Variants in SCML4 observed in about 807,000 individuals in gnomAD.
SCML4 encodes sex comb on midleg-like protein 4.
A neutral mutation model predicts 41.1 loss-of-function variants in SCML4; 34 were observed. That is an observed-to-expected ratio of 0.83 (90% confidence interval 0.63 to 1.10). The LOEUF is 1.10. SCML4 is among the 50% of genes least tolerant of loss of function. The pLI is 0.00. For synonymous variants in SCML4, 214 were observed against 220.9 expected (o/e 0.97, Z 0.28); for missense variants, 522 against 534.1 (o/e 0.98, Z 0.22).
chr6:107,839,285 C>A, the SCML4 span, among the ~76,000 whole-genome samples: 625 of 146,966 alleles, frequency 4.3e-3, 5 homozygotes, highest in African/African-American at 0.015. Flanking sequence ...CAAAGACAGA[C>A]CCTGTCAAAA....
chr6:107,753,205 A>G (rs543223574), intron 2 of SCML4, among the ~76,000 whole-genome samples: 1 of 152,212 alleles, frequency 6.6e-6, no homozygotes, highest in Non-Finnish European at 1.5e-5. Flanking sequence ...ATGTGGAGAA[A>G]CTGGAACCCT....
chr6:107,709,580 G>A (rs1449142786), intron 6 of SCML4, among the ~76,000 whole-genome samples: 1 of 152,176 alleles, frequency 6.6e-6, no homozygotes, highest in East Asian at 1.9e-4. Context: ...CTGGTGCTTT[G>A]ACTTCAACCT....
In SCML4 at chr6:107,778,250, T is replaced by A. The variant is rs1238734336; in HGVS notation, c.-59-5864A>T. ...ATATATATATATATATATATATATA[T>A]ATATATATATATATAACTTGAGAAT... is the stretch of plus-strand genomic sequence containing the variant. On this transcript the variant is annotated intron_variant, in intron 1 of 7. Transcript: ENST00000369020. Among the ~76,000 whole-genome samples, 79 of 84,908 alleles carry A rather than the reference T, an allele frequency of 9.3e-4. 4 individuals carry two copies. The highest frequency in any genetic ancestry group is 1.3e-3 in the South Asian group (3 of 2,366). 55.7% of individuals were successfully genotyped at this position (84,908 alleles called of 152,430 possible).
At chr6:107,709,084 T>C (rs955907934) in intron 6 of SCML4, among the ~76,000 whole-genome samples, 1 of 152,130 alleles carries the variant, frequency 6.6e-6, no homozygotes, top group Admixed American at 6.6e-5. Context: ...TGCCATGGGT[T>C]CCTAATGGGT....
chr6:107,813,349 T>G (rs1259880109), intron 1 of SCML4, among the ~76,000 whole-genome samples: 1 of 117,984 alleles, frequency 8.5e-6, no homozygotes, highest in African/African-American at 3.4e-5. Context: ...GGTGACAGAG[T>G]GAGACGCCAT....
intron 1 of SCML4, among the ~76,000 whole-genome samples, chr6:107,798,210 C>T (rs1782852535): frequency 6.6e-6 from 1 of 151,848 alleles, no homozygotes; most frequent in Non-Finnish European, 1.5e-5. Flanking sequence ...ATTATTTCTC[C>T]CTCAAGTATT....
intron 1 of SCML4, among the ~76,000 whole-genome samples, chr6:107,789,892 C>G (rs1204133032): frequency 6.6e-6 from 1 of 152,188 alleles, no homozygotes; most frequent in Non-Finnish European, 1.5e-5. Flanking sequence ...ATTAATAAAA[C>G]GTACATACAT....
chr6:107,813,726 A>T (rs1485247627), intron 1 of SCML4, among the ~76,000 whole-genome samples: 3 of 152,200 alleles, frequency 2.0e-5, no homozygotes, highest in Non-Finnish European at 2.9e-5. Flanking sequence ...CTTTAAAAAC[A>T]AGTTCAAACT....
rs1037826100 is a variant in SCML4, at chr6:107,703,657, G to GC, written c.*1542dup. Among the ~76,000 whole-genome samples, 10 of 152,152 alleles carry GC rather than the reference G, an allele frequency of 6.6e-5. No homozygotes were observed. The highest frequency in any genetic ancestry group is 4.6e-4 in the Admixed American group (7 of 15,278). Reference sequence around the variant, plus strand: ...GCTGATCAAGCGGTGAGGAGGTTGAGCCCCCACCCTGCTCCACTTGCCAGC... The same window carrying GC: ...GCTGATCAAGCGGTGAGGAGGTTGAGCCCCCCACCCTGCTCCACTTGCCAGC... On this transcript the variant is annotated 3_prime_UTR_variant, in exon 8 of 8. Coordinates refer to ENST00000369020, the MANE Select transcript of SCML4 (RefSeq NM_198081.5).
chr6:107,740,800 C>T (rs887638414), intron 5 of SCML4, among the ~76,000 whole-genome samples: 1 of 152,218 alleles, frequency 6.6e-6, no homozygotes, highest in Non-Finnish European at 1.5e-5. Context: ...TAAAAGCCCA[C>T]AGGATGAAGA....
chr6:107,719,989 TG>T, intron 6 of SCML4: 2 of 985,486 alleles, frequency 2.0e-6, no homozygotes, highest in Non-Finnish European at 2.4e-6. Flanking sequence ...TTTTGTAGAC[TG>T]CATTCCAACA....
At chr6:107,712,652 C>A (rs993189958) in intron 6 of SCML4, among the ~76,000 whole-genome samples, 9 of 152,180 alleles carry the variant, frequency 5.9e-5, no homozygotes, top group African/African-American at 2.2e-4. Flanking sequence ...CTAAGTCACA[C>A]CTCGGGAGCT....
Position 107,738,593 on chromosome 6 carries a change from C to A in SCML4, c.682+6356G>T, listed in dbSNP as rs140807858. 4.0e-3 allele frequency among the ~76,000 whole-genome samples: 606 copies of A among 152,046 alleles called. 7 individuals are homozygous for A. The East Asian group carries it at 0.053, about 13-fold the overall frequency. On this transcript the variant is annotated intron_variant, in intron 5 of 7. Coordinates refer to ENST00000369020, the MANE Select transcript of SCML4 (RefSeq NM_198081.5). The stretch of plus-strand genomic sequence containing the variant: ...CCGAGTTCGTACCACTGCACTCCAG[C>A]CTGGGCAACAGAGAGAGAGTCCATC...
At chr6:107,770,257 A>G (rs1054856735) in intron 2 of SCML4, among the ~76,000 whole-genome samples, 3 of 152,206 alleles carry the variant, frequency 2.0e-5, no homozygotes, top group African/African-American at 7.2e-5. Flanking sequence ...TTAATAAAAC[A>G]AAACATTTTA....
intron 6 of SCML4, among the ~76,000 whole-genome samples, chr6:107,713,815 A>G (rs1774473821): frequency 6.6e-6 from 1 of 152,176 alleles, no homozygotes; most frequent in African/African-American, 2.4e-5. Context: ...AGCATCTCCA[A>G]GTGACCTGCT....
intron 2 of SCML4, among the ~76,000 whole-genome samples, chr6:107,767,016 T>A (rs1780111152): frequency 6.6e-6 from 1 of 151,140 alleles, no homozygotes; most frequent in South Asian, 2.1e-4. Context: ...AGTGGCATGA[T>A]CTCGGCTCAC....
intron 1 of SCML4, among the ~76,000 whole-genome samples, chr6:107,798,509 G>T (rs1782873740): frequency 6.6e-6 from 1 of 151,838 alleles, no homozygotes; most frequent in South Asian, 2.1e-4. Flanking sequence ...GATCAATCTT[G>T]CTTGGGGTTA....
At chr6:107,777,461 G>A (rs1041850884) in intron 1 of SCML4, among the ~76,000 whole-genome samples, 1 of 152,112 alleles carries the variant, frequency 6.6e-6, no homozygotes, top group Non-Finnish European at 1.5e-5. Context: ...ATAGGATAAA[G>A]AGAAAAATAA....
intron 1 of SCML4, among the ~76,000 whole-genome samples, chr6:107,817,302 A>G (rs1000197444): frequency 1.3e-5 from 2 of 152,210 alleles, no homozygotes; most frequent in African/African-American, 4.8e-5. Flanking sequence ...GGAAATGCAT[A>G]TTAGACAAAC....
Sources: gnomAD v4.1 joint callset for allele counts (sites outside exome capture counted in the v4.1 genomes callset) on GRCh38, gnomAD v4.1.1 for gene constraint, MANE v1.5 for transcripts, NCBI Gene and HGNC (gene_info 2026-07-23, HGNC 2026-07-21) for gene names.